GREB1: variants seen among roughly 807,000 people sequenced by gnomAD.
GREB1 encodes the protein protein GREB1.
Under a neutral mutation model 200.7 loss-of-function variants are expected in GREB1, and 106 were observed. The ratio of observed to expected loss-of-function variants is 0.53; its 90% CI spans 0.45 to 0.62. The LOEUF (loss-of-function observed/expected upper bound fraction) is 0.62. GREB1 is among the 20% of genes least tolerant of loss of function. The pLI, the probability that GREB1 is intolerant of heterozygous loss-of-function variation, is 0.00. For synonymous variants in GREB1, 1,132 were observed against 1,092.4 expected, an observed-to-expected ratio of 1.04 and a Z score of -0.72; for missense variants, 2,243 against 2,556.8, an observed-to-expected ratio of 0.88 and a Z score of 2.65.
At chr2:11,541,328 A>G (rs892865690) in intron 1 of GREB1, among the ~76,000 whole-genome samples, 6 of 152,220 alleles carry the variant, frequency 3.9e-5, no homozygotes, top group Admixed American at 1.3e-4. Context: ...TTGACTCCAG[A>G]CCATGGCCCT....
Position 11,626,166 on chromosome 2 carries a change from C to T in GREB1, c.4307-796C>T, listed in dbSNP as rs950671051. Among the ~76,000 whole-genome samples, 3 of 152,308 alleles carry T rather than the reference C, an allele frequency of 2.0e-5. No individual in the cohort carries two copies. The East Asian group carries it at 5.8e-4, about 29-fold the overall frequency. Reference sequence around the variant, plus strand: ...CAAACCATATCAGTGACCCACCAGTCTCCATTTCAAACCAACAACTTTATT... The same window carrying T: ...CAAACCATATCAGTGACCCACCAGTTTCCATTTCAAACCAACAACTTTATT... On this transcript the variant is annotated intron_variant, in intron 24 of 32. Coordinates refer to ENST00000381486, the MANE Select transcript of GREB1 (RefSeq NM_014668.4).
At chr2:11,574,195 A>G (rs997292145) in intron 4 of GREB1, among the ~76,000 whole-genome samples, 16 of 152,208 alleles carry the variant, frequency 1.1e-4, no homozygotes, top group Admixed American at 3.3e-4. Flanking sequence ...TCTCGATGTT[A>G]ACCGGCTGCC....
intron 1 of GREB1, among the ~76,000 whole-genome samples, chr2:11,526,522 A>G (rs2148481987): frequency 6.6e-6 from 1 of 150,596 alleles, no homozygotes. Context: ...CCTTCTTCCC[A>G]TATCTTGTTC....
At chr2:11,572,340 G>C (rs1023174830) in intron 4 of GREB1, among the ~76,000 whole-genome samples, 1 of 152,188 alleles carries the variant, frequency 6.6e-6, no homozygotes, top group Non-Finnish European at 1.5e-5. Flanking sequence ...TGGGCTTCTA[G>C]AGGCATCCCT....
At chr2:11,568,916 A>G (rs1677977118) in intron 4 of GREB1, among the ~76,000 whole-genome samples, 1 of 152,244 alleles carries the variant, frequency 6.6e-6, no homozygotes, top group South Asian at 2.1e-4. Context: ...AACACTGTTT[A>G]GGTTTCCTGC....
chr2:11,555,091 A>T lies in GREB1; in HGVS notation c.-161-1363A>T, dbSNP rs553577803. ...CCCAGAGAATAACGTATAGCCTTAAATGTCTTCGTTGTTAATGAAGATGAA... is the reference window on the plus strand; with the variant it reads ...CCCAGAGAATAACGTATAGCCTTAATTGTCTTCGTTGTTAATGAAGATGAA... On this transcript the variant is annotated intron_variant, in intron 1 of 32. Coordinates refer to ENST00000381486, the MANE Select transcript of GREB1 (RefSeq NM_014668.4). Among the ~76,000 whole-genome samples, 5 of 152,384 alleles carry T rather than the reference A, an allele frequency of 3.3e-5. No homozygotes were observed. The East Asian group carries it at 9.6e-4, about 29-fold the overall frequency.
At chr2:11,512,270 T>G (rs1456124207) in intron 1 of GREB1, among the ~76,000 whole-genome samples, 2 of 152,164 alleles carry the variant, frequency 1.3e-5, no homozygotes, top group Non-Finnish European at 2.9e-5. Context: ...GGGGAGGAAT[T>G]TGTGTCTTGG....
At chr2:11,559,610 A>T (rs1676782726) in intron 2 of GREB1, among the ~76,000 whole-genome samples, 1 of 152,052 alleles carries the variant, frequency 6.6e-6, no homozygotes, top group South Asian at 2.1e-4. Context: ...TTTCACTGAT[A>T]GTTGGCATCT....
rs1681360491 is a variant in GREB1 at position 11,597,309 on chromosome 2, A to G, written c.1955-472A>G. Among the ~76,000 whole-genome samples, 1 of 152,112 alleles carries G rather than the reference A, an allele frequency of 6.6e-6. No individual in the cohort carries two copies. Among genetic ancestry groups the G allele is most frequent in the Non-Finnish European group, 1.5e-5 (1 of 68,006 alleles). Reference sequence around the variant, plus strand: ...AATCTCATTTAATCTTGAATTGCACATCCATCACTGTCTCTGAGGTGATAG... The same window carrying G: ...AATCTCATTTAATCTTGAATTGCACGTCCATCACTGTCTCTGAGGTGATAG... On this transcript the variant is annotated intron_variant, in intron 13 of 32. Coordinates refer to ENST00000381486, the MANE Select transcript of GREB1 (RefSeq NM_014668.4). The surrounding 1 kb of genome is among the most constrained non-coding windows in gnomAD (Gnocchi z 4.1).
chr2:11,509,315 T>C (rs950285632), intron 1 of GREB1, among the ~76,000 whole-genome samples: 1 of 152,174 alleles, frequency 6.6e-6, no homozygotes, highest in African/African-American at 2.4e-5. Context: ...TGAGCCCCCA[T>C]ATATATATTT....
At position 11,587,739 on chromosome 2, in the gene GREB1, A is replaced by ACG. The variant is rs1211011498; in HGVS notation, c.1160-1006_1160-1005insGC. 9.6e-5 allele frequency: 67 copies of ACG among 697,864 alleles called. 8 individuals carry two copies. In the East Asian group the frequency reaches 1.4e-3, roughly 15 times the overall value. 43.2% of individuals were successfully genotyped at this position (697,864 alleles called of 1,614,324 possible). A position where few individuals can be genotyped will look rare whatever the true frequency, so the allele number is the denominator to read the frequency against. On this transcript the variant is annotated intron_variant, in intron 9 of 32. Transcript: ENST00000381486. ...CACACACACACACACACACACACAC[A>ACG]CACGCCACCTTTGGGAGCTCAGCAG...
intron 3 of GREB1, chr2:11,562,866 A>G (rs1677218338): frequency 3.6e-6 from 1 of 276,332 alleles, no homozygotes; most frequent in African/African-American, 2.2e-5. Flanking sequence ...GGAGCCAGAC[A>G]TTCATTTTTC....
At position 11,629,952 on chromosome 2, in the gene GREB1, A is replaced by G. The variant is rs779067065; in HGVS notation, c.4454A>G (p.Tyr1485Cys). Residue 1485 changes from tyrosine to cysteine, a missense_variant, in exon 26 of 33, where the codon TAT becomes TGT. By Grantham distance (194) the Tyr-to-Cys change is radical (BLOSUM62 -2). Around this residue, in one of 3 missense-constraint regions of GREB1, gnomAD observed 587 missense variants for 553.1 expected, o/e 1.06. Transcript: ENST00000381486. This position sits in a 1 kb window ranked among gnomAD's most constrained non-coding sequence, Gnocchi z 5.2. ...GTCCTTTCCCCCACACCCCAGCTGT[A>G]TGAGTCCACCCTGCACGCCTTTGCC... ...YMGFHPRYQLYESTLHAFAFS... is the reference protein window; with the variant it reads ...YMGFHPRYQLCESTLHAFAFS... The G allele has an allele frequency of 8.7e-6, 14 of 1,613,876 alleles. No homozygotes were observed. In the Middle Eastern group the frequency reaches 1.2e-3, roughly 133 times the overall value.
chr2:11,593,105 G>A lies in GREB1; in HGVS notation c.1675G>A (p.Asp559Asn), dbSNP rs1186840764. Residue 559 changes from aspartate (D) to asparagine (N), a missense_variant, in exon 11 of 33, where the codon GAC becomes AAC. This residue lies in a region of GREB1 where 1,178 missense variants were observed against 1,387.4 expected (regional missense o/e 0.85). Coordinates refer to ENST00000381486, the MANE Select transcript of GREB1 (RefSeq NM_014668.4). ...IICACRSAAIDSCIAVTGKYQ... is the reference protein window; with the variant it reads ...IICACRSAAINSCIAVTGKYQ... Reference sequence around the variant, plus strand: ...CTGCGCCTGCCGCAGCGCGGCCATCGACTCCTGCATCGCCGTCACCGGTGA... The same window carrying A: ...CTGCGCCTGCCGCAGCGCGGCCATCAACTCCTGCATCGCCGTCACCGGTGA... 5 of 1,606,614 alleles carry A rather than the reference G, an allele frequency of 3.1e-6. No homozygotes were observed. Among genetic ancestry groups the A allele is most frequent in the Non-Finnish European group, 3.4e-6 (4 of 1,175,836 alleles).
intron 7 of GREB1, among the ~76,000 whole-genome samples, chr2:11,582,986 G>A (rs1046775851): frequency 6.6e-6 from 1 of 152,094 alleles, no homozygotes; most frequent in African/African-American, 2.4e-5. Flanking sequence ...GGGACAGAGC[G>A]GGCAGGATGC....
rs1368326346 is a variant in GREB1, at chr2:11,485,259, T to TTATTTTATTTTATA, written c.-159+2881_-159+2882insTTTATTTTATATAT. ...AACATTTATTTTATTTTATTTTATTTTATATATATATATGTATTTTTTTTT... is the reference window on the plus strand; with the variant it reads ...AACATTTATTTTATTTTATTTTATTTTATTTTATTTTATATATATATATATATGTATTTTTTTTT... On this transcript the variant is annotated intron_variant, in intron 1 of 2. Transcript: ENST00000628795. Among the ~76,000 whole-genome samples the TTATTTTATTTTATA allele has an allele frequency of 2.1e-3, 257 of 124,144 alleles. 1 individual carries two copies. The highest frequency in any genetic ancestry group is 8.2e-3 in the African/African-American group (251 of 30,666). 81.4% of individuals were successfully genotyped at this position (124,144 alleles called of 152,430 possible).
At chr2:11,602,295 C>A in intron 16 of GREB1, 111 bp from the exon 17 acceptor site, 1 of 872,074 alleles carries the variant, frequency 1.1e-6, no homozygotes, top group Non-Finnish European at 1.9e-6. Flanking sequence ...GCACAGTGGG[C>A]ACGATTTGGA....
chr2:11,572,822 A>T (rs1678449854), intron 4 of GREB1, among the ~76,000 whole-genome samples: 1 of 152,014 alleles, frequency 6.6e-6, no homozygotes, highest in African/African-American at 2.4e-5. Context: ...TCCTAACTCC[A>T]GCACTTTCTA....
intron 4 of GREB1, among the ~76,000 whole-genome samples, chr2:11,569,450 C>T (rs1001903661): frequency 9.2e-5 from 14 of 152,048 alleles, no homozygotes; most frequent in African/African-American, 1.7e-4. Context: ...TAAGGTGCTC[C>T]GGCAATCGGA....
Sources: allele counts gnomAD v4.1 joint callset (sites outside exome capture counted in the v4.1 genomes callset), GRCh38; gene constraint gnomAD v4.1.1; regional missense constraint gnomAD v4.1.1; non-coding constraint Gnocchi (gnomAD v3.1); transcripts MANE v1.5; gene names NCBI Gene and HGNC (gene_info 2026-07-23, HGNC 2026-07-21).